Variants in CPQ observed in about 807,000 individuals in gnomAD.
The protein encoded by CPQ is carboxypeptidase Q.
In CPQ, 37 loss-of-function variants were observed where a neutral mutation model predicts 45.7. The ratio of observed to expected loss-of-function variants is 0.81; its 90% confidence interval spans 0.62 to 1.07. The LOEUF (loss-of-function observed/expected upper bound fraction) is 1.07. CPQ is among the 50% of genes least tolerant of loss of function. The pLI, the probability that CPQ is intolerant of heterozygous loss-of-function variation, is 0.00. For missense variants in CPQ, 537 were observed against 572.9 expected (o/e 0.94, Z 0.64); for synonymous variants, 186 against 205.8 (o/e 0.90, Z 0.82).
At chr8:96,981,087 T>C (rs1166946676) in intron 5 of CPQ, among the ~76,000 whole-genome samples, 1 of 152,056 alleles carries the variant, frequency 6.6e-6, no homozygotes, top group Non-Finnish European at 1.5e-5. Flanking sequence ...CAGAAAAAAA[T>C]CAAGGCAGAG....
At chr8:97,139,252 T>TA (rs1389100209) in intron 7 of CPQ, among the ~76,000 whole-genome samples, 6 of 152,188 alleles carry the variant, frequency 3.9e-5, no homozygotes, top group Admixed American at 6.5e-5. Flanking sequence ...AAATATATTT[T>TA]AAAAAATTAC....
intron 7 of CPQ, among the ~76,000 whole-genome samples, chr8:97,106,010 A>G (rs535000908): frequency 6.6e-6 from 1 of 152,146 alleles, no homozygotes; most frequent in Non-Finnish European, 1.5e-5. Context: ...CCGATACTTT[A>G]CAGAATTTTA....
chr8:96,924,144 G>C (rs1344080656), intron 4 of CPQ, among the ~76,000 whole-genome samples: 1 of 152,170 alleles, frequency 6.6e-6, no homozygotes, highest in Non-Finnish European at 1.5e-5. Flanking sequence ...ACTCAAAAGT[G>C]GATGCAGAGG....
intron 1 of CPQ, among the ~76,000 whole-genome samples, chr8:96,717,018 G>GATATAA (rs1809683162): frequency 1.3e-5 from 1 of 79,852 alleles, no homozygotes; most frequent in Non-Finnish European, 2.3e-5. Flanking sequence ...AGTATTCCAT[G>GATATAA]ATATAAATAT....
chr8:96,730,423 A>T lies in CPQ; in HGVS notation c.-34-54441A>T, dbSNP rs115879401. ...GTAGAGAGAACCCATATTTGGGATAAACAACTGCAGAGGACCAAGAGTCTT... is the reference window on the plus strand; with the variant it reads ...GTAGAGAGAACCCATATTTGGGATATACAACTGCAGAGGACCAAGAGTCTT... On this transcript the variant is annotated intron_variant, in intron 1 of 7. Coordinates refer to ENST00000220763, the MANE Select transcript of CPQ (RefSeq NM_016134.4). Among the ~76,000 whole-genome samples the T allele has an allele frequency of 7.5e-3, 1,137 of 152,216 alleles. 8 individuals carry two copies. Among genetic ancestry groups the T allele is most frequent in the African/African-American group, 0.023 (955 of 41,540 alleles).
At chr8:96,676,801 A>G (rs1250830792) in intron 1 of CPQ, among the ~76,000 whole-genome samples, 2 of 151,956 alleles carry the variant, frequency 1.3e-5, no homozygotes, top group Non-Finnish European at 2.9e-5. Context: ...TGTACCCAAT[A>G]TGAAGTCTTT....
chr8:96,704,247 T>C (rs374923584), intron 1 of CPQ, among the ~76,000 whole-genome samples: 6 of 152,188 alleles, frequency 3.9e-5, no homozygotes, highest in South Asian at 2.1e-4. Context: ...ATCTTGCCTT[T>C]TTGCTCATTT....
chr8:96,977,175 G>C (rs1303993829), intron 5 of CPQ, among the ~76,000 whole-genome samples: 1 of 151,986 alleles, frequency 6.6e-6, no homozygotes, highest in Non-Finnish European at 1.5e-5. Context: ...TCAAAAAAGG[G>C]CTAAGGACAT....
rs569324759 is a variant in CPQ at position 96,743,197 on chromosome 8, A to C, written c.-34-41667A>C. On this transcript the variant is annotated intron_variant, in intron 1 of 7. Coordinates refer to ENST00000220763, the MANE Select transcript of CPQ (RefSeq NM_016134.4). ...TTTCTTTTTATTCTTTTTTCTCTAA[A>C]CTTCCCTTCTCGCTTCATTTCATTC... 2.1e-3 allele frequency among the ~76,000 whole-genome samples: 315 copies of C among 151,030 alleles called. 3 individuals carry two copies. Among genetic ancestry groups the C allele is most frequent in the African/African-American group, 7.2e-3 (298 of 41,110 alleles).
chr8:96,821,971 T>G (rs913272555), intron 2 of CPQ, among the ~76,000 whole-genome samples: 4 of 152,016 alleles, frequency 2.6e-5, no homozygotes, highest in African/African-American at 9.7e-5. Flanking sequence ...TCTATTGTTA[T>G]TAACTATAGT....
chr8:96,866,358 GA>G (rs556049613), intron 3 of CPQ, among the ~76,000 whole-genome samples: 228 of 152,174 alleles, frequency 1.5e-3, no homozygotes, highest in Non-Finnish European at 2.7e-3. Context: ...GCAGTTTTAA[GA>G]CATTATACCG....
Position 96,775,009 on chromosome 8 carries a change from G to C in CPQ, c.-34-9855G>C, listed in dbSNP as rs987210672. 3.3e-5 allele frequency among the ~76,000 whole-genome samples: 5 copies of C among 152,092 alleles called. No homozygotes were observed. The East Asian group carries it at 9.7e-4, about 29-fold the overall frequency. On this transcript the variant is annotated intron_variant, in intron 1 of 7. Coordinates refer to ENST00000220763, the MANE Select transcript of CPQ (RefSeq NM_016134.4). Reference sequence around the variant, plus strand: ...GTATTGGTTCAACTGCTCAGTGATGGCAAGACCAGTTCTCTGGGACTTGCC... The same window carrying C: ...GTATTGGTTCAACTGCTCAGTGATGCCAAGACCAGTTCTCTGGGACTTGCC...
chr8:96,650,453 G>A (rs901242672), intron 1 of CPQ, among the ~76,000 whole-genome samples: 5 of 152,196 alleles, frequency 3.3e-5, no homozygotes, highest in African/African-American at 1.2e-4. Flanking sequence ...CTAGGAAGCA[G>A]GTGCAGCCAG....
chr8:96,785,169 T>C lies in CPQ; in HGVS notation c.272T>C (p.Met91Thr). The C allele has an allele frequency of 6.2e-7, 1 of 1,613,664 alleles. No individual in the cohort carries two copies. Among genetic ancestry groups the C allele is most frequent in the Non-Finnish European group, 8.5e-7 (1 of 1,179,788 alleles). ...AACCTAGAAAAAGCCATCCAAATTA[T>C]GTACCAAAACCTGCAGCAAGATGGG... ...SKNLEKAIQIMYQNLQQDGLE... is the reference protein window; with the variant it reads ...SKNLEKAIQITYQNLQQDGLE... Residue 91 changes from methionine (M) to threonine (T), a missense_variant, in exon 2 of 8, where the codon ATG becomes ACG. Coordinates refer to ENST00000220763, the MANE Select transcript of CPQ (RefSeq NM_016134.4).
intron 5 of CPQ, among the ~76,000 whole-genome samples, chr8:97,010,653 T>G (rs1333503923): frequency 6.6e-6 from 1 of 152,150 alleles, no homozygotes; most frequent in Admixed American, 6.6e-5. Flanking sequence ...GTAATCGCTC[T>G]CCACAAATTC....
intron 7 of CPQ, among the ~76,000 whole-genome samples, chr8:97,142,613 T>C (rs1383352591): frequency 3.3e-5 from 5 of 152,252 alleles, no homozygotes; most frequent in Admixed American, 6.5e-5. Flanking sequence ...TTTTCCCTTA[T>C]ATCACAGGAA....
At chr8:97,013,567 T>C (rs1048549487) in intron 5 of CPQ, among the ~76,000 whole-genome samples, 1 of 152,046 alleles carries the variant, frequency 6.6e-6, no homozygotes, top group Admixed American at 6.6e-5. Context: ...GCAGGAGGAA[T>C]TGGAGCTGGA....
At chr8:97,013,445 G>T (rs1185048109) in intron 5 of CPQ, among the ~76,000 whole-genome samples, 37 of 152,108 alleles carry the variant, frequency 2.4e-4, no homozygotes, top group Admixed American at 2.4e-3. Flanking sequence ...TACGTATAGG[G>T]CTCCTTGATT....
intron 4 of CPQ, among the ~76,000 whole-genome samples, chr8:96,885,259 A>AT (rs1289436964): frequency 2.0e-5 from 3 of 152,154 alleles, no homozygotes; most frequent in African/African-American, 7.2e-5. Context: ...TAACAAACTC[A>AT]TTTTTGAGAT....
Sources: allele counts gnomAD v4.1 joint callset (sites outside exome capture counted in the v4.1 genomes callset), GRCh38; gene constraint gnomAD v4.1.1; transcripts MANE v1.5; gene names NCBI Gene and HGNC (gene_info 2026-07-23, HGNC 2026-07-21).